Variants in DCBLD1 observed in about 807,000 individuals in gnomAD.
The protein encoded by DCBLD1 is discoidin, CUB and LCCL domain-containing protein 1.
A neutral mutation model predicts 71.5 loss-of-function variants in DCBLD1; 57 were observed. That is an observed-to-expected ratio of 0.80 (90% CI 0.64 to 0.99). The LOEUF (loss-of-function observed/expected upper bound fraction) is 0.99. Among genes scored for constraint, DCBLD1 ranks in the 50% least tolerant of loss-of-function variants. DCBLD1 has a pLI of 0.00. For synonymous variants in DCBLD1, 380 were observed against 363.8 expected (o/e 1.04, Z -0.51); for missense variants, 891 against 923.5 (o/e 0.96, Z 0.46).
At chr6:117,500,063 C>T (rs527342287) in intron 1 of DCBLD1, among the ~76,000 whole-genome samples, 2 of 152,202 alleles carry the variant, frequency 1.3e-5, no homozygotes, top group South Asian at 4.1e-4. Flanking sequence ...CATGTGTACG[C>T]ATCTGCCTTC....
chr6:117,541,313 CA>C (rs5879425), intron 11 of DCBLD1, among the ~76,000 whole-genome samples: 67,563 of 148,756 alleles, frequency 0.45, 15,906 homozygotes, highest in South Asian at 0.62. Context: ...TGCAGCCATA[CA>C]AAAAAAAAAT....
chr6:117,520,108 A>C (rs942276266), intron 3 of DCBLD1, among the ~76,000 whole-genome samples, 158 bp downstream of exon 3: 1 of 152,230 alleles, frequency 6.6e-6, no homozygotes, highest in Non-Finnish European at 1.5e-5. Flanking sequence ...GTTAGGTCTG[A>C]ACTGAATCAT....
intron 1 of DCBLD1, among the ~76,000 whole-genome samples, chr6:117,490,608 T>G (rs1777258579): frequency 6.6e-6 from 1 of 152,062 alleles, no homozygotes; most frequent in Non-Finnish European, 1.5e-5. Flanking sequence ...TAAGGTGTAT[T>G]TTTTTAATCC....
chr6:117,536,490 A>T (rs556653209), intron 6 of DCBLD1, among the ~76,000 whole-genome samples: 16 of 152,334 alleles, frequency 1.1e-4, no homozygotes, highest in African/African-American at 3.6e-4. Context: ...AATGAGGCTG[A>T]TGCAATCATT....
downstream of DCBLD1, among the ~76,000 whole-genome samples, chr6:117,552,170 A>G (rs934215614): frequency 6.6e-6 from 1 of 152,198 alleles, no homozygotes; most frequent in Non-Finnish European, 1.5e-5. Context: ...GTTTAGAACC[A>G]TACAGAACTT....
rs149064263 is a variant in DCBLD1 at position 117,546,998 on chromosome 6, C to T, written c.1616-909C>T. 3.5e-4 allele frequency among the ~76,000 whole-genome samples: 54 copies of T among 152,320 alleles called. 1 individual carries two copies. Among genetic ancestry groups the T allele is most frequent in the African/African-American group, 1.3e-3 (53 of 41,574 alleles). Reference sequence around the variant, plus strand: ...GCCTCCCGGCTTTCCTCACACCCCACCTCTCATTGGTAACAAATTCCTGAT... The same window carrying T: ...GCCTCCCGGCTTTCCTCACACCCCATCTCTCATTGGTAACAAATTCCTGAT... On this transcript the variant is annotated intron_variant, in intron 14 of 14. Transcript: ENST00000338728.
At chr6:117,507,128 G>T (rs1321813) in intron 2 of DCBLD1, among the ~76,000 whole-genome samples, 62,688 of 152,106 alleles carry the variant, frequency 0.41, 13,515 homozygotes, top group Non-Finnish European at 0.45. Flanking sequence ...TACTTGGAAT[G>T]TGATTACATT....
intron 2 of DCBLD1, among the ~76,000 whole-genome samples, chr6:117,507,383 A>C (rs941939998): frequency 2.6e-5 from 4 of 152,200 alleles, no homozygotes; most frequent in Non-Finnish European, 4.4e-5. Flanking sequence ...AAATGGGATT[A>C]TTCTTCTTCT....
At position 117,482,777 on chromosome 6, in the gene DCBLD1, G is replaced by A; in HGVS notation, c.-5G>A. 1 of 1,138,998 alleles carries A rather than the reference G, an allele frequency of 8.8e-7. No individual in the cohort carries two copies. Among genetic ancestry groups the A allele is most frequent in the Non-Finnish European group, 1.1e-6 (1 of 928,890 alleles). 70.6% of individuals were successfully genotyped at this position (1,138,998 alleles called of 1,614,324 possible). ...GAGCTTGCCAAGCTGGCGCCCAGCG[G>A]GGTCATGGTGCCCGGCGCCCGCGGC... On this transcript the variant is annotated 5_prime_UTR_variant, in exon 1 of 15. Transcript: ENST00000338728.
At chr6:117,523,121 C>T (rs1778437672) in intron 4 of DCBLD1, among the ~76,000 whole-genome samples, 1 of 152,168 alleles carries the variant, frequency 6.6e-6, no homozygotes, top group African/African-American at 2.4e-5. Flanking sequence ...TCTACAGTCC[C>T]AGTTGGTGAT....
chr6:117,563,175 T>C, intron 14 of DCBLD1: 2 of 1,342,454 alleles, frequency 1.5e-6, no homozygotes, highest in Admixed American at 1.9e-5. Flanking sequence ...CCTGATTTTG[T>C]AGTCTTTGTC....
chr6:117,500,704 A>C (rs1777627058), intron 1 of DCBLD1, among the ~76,000 whole-genome samples: 1 of 152,158 alleles, frequency 6.6e-6, no homozygotes, highest in African/African-American at 2.4e-5. Flanking sequence ...GTCTCTACTA[A>C]AAATACAAAA....
chr6:117,542,031 G>C (rs1413988964), intron 11 of DCBLD1, among the ~76,000 whole-genome samples: 2 of 152,098 alleles, frequency 1.3e-5, no homozygotes, highest in African/African-American at 4.8e-5. Flanking sequence ...ATTGGCTCAT[G>C]CCTGTAATCC....
intron 12 of DCBLD1, 21 bp downstream of exon 12, chr6:117,543,232 TA>T: frequency 6.2e-7 from 1 of 1,607,824 alleles, no homozygotes; most frequent in Non-Finnish European, 8.5e-7. Flanking sequence ...TTTACATGTT[TA>T]AATTTCTTCT....
chr6:117,535,089 G>A (rs1376772163), intron 6 of DCBLD1, among the ~76,000 whole-genome samples: 3 of 152,190 alleles, frequency 2.0e-5, no homozygotes, highest in Non-Finnish European at 4.4e-5. Context: ...GGGAAACACT[G>A]TACATGCGGT....
Position 117,539,256 on chromosome 6 carries a change from A to T in DCBLD1, c.978A>T (p.Gly326=), listed in dbSNP as rs202091311. Reference sequence around the variant, plus strand: ...CTGTAAATATTATTTTCTTACAAGGAATTAGGACCACAGGATCTACACAGT... The same window carrying T: ...CTGTAAATATTATTTTCTTACAAGGTATTAGGACCACAGGATCTACACAGT... ...IDLGEKKKIT[G]IRTTGSTQSN... The change falls in exon 9 of 15, where the codon GGA becomes GGT. Residue 326 remains glycine, a splice_region_variant and synonymous_variant. Coordinates refer to ENST00000338728, the MANE Select transcript of DCBLD1 (RefSeq NM_001366458.2). 5.8e-6 allele frequency: 9 copies of T among 1,555,298 alleles called. No individual in the cohort carries two copies. Among genetic ancestry groups the T allele is most frequent in the Middle Eastern group, 1.7e-4 (1 of 5,770 alleles).
intron 2 of DCBLD1, among the ~76,000 whole-genome samples, chr6:117,504,793 G>A (rs1050600759): frequency 2.0e-5 from 3 of 152,152 alleles, no homozygotes; most frequent in East Asian, 3.9e-4. Flanking sequence ...ATTTGAAAAC[G>A]ATAACAAAAT....
At chr6:117,538,971 AC>A in intron 8 of DCBLD1, 136 bp downstream of exon 8, 1 of 935,304 alleles carries the variant, frequency 1.1e-6, no homozygotes, top group Non-Finnish European at 1.6e-6. Context: ...TGAAAATGTA[AC>A]AAATCTTTAC....
intron 2 of DCBLD1, among the ~76,000 whole-genome samples, chr6:117,516,493 T>G (rs1166778223): frequency 9.9e-5 from 15 of 152,136 alleles, no homozygotes; most frequent in African/African-American, 3.6e-4. Context: ...ATTTGGCATG[T>G]GAGGGTAAGC....
Sources: gnomAD v4.1 joint callset for allele counts (sites outside exome capture counted in the v4.1 genomes callset) on GRCh38, gnomAD v4.1.1 for gene constraint, MANE v1.5 for transcripts, NCBI Gene and HGNC (gene_info 2026-07-23, HGNC 2026-07-21) for gene names.